The following NEK5 variants were observed in gnomAD, a reference collection of about 807,000 sequenced individuals.
NEK5 encodes serine/threonine-protein kinase Nek5.
NEK5 carries 88 observed loss-of-function variants against 109.2 expected under a neutral mutation model. The observed-to-expected ratio is 0.81, with a 90% CI of 0.68 to 0.96. The LOEUF (loss-of-function observed/expected upper bound fraction) is 0.96. Ranked by LOEUF, NEK5 falls within the 40% of genes least tolerant of loss-of-function variation. The pLI, the probability that NEK5 is intolerant of heterozygous loss-of-function variation, is 0.00. For missense variants in NEK5, 834 were observed against 920.7 expected (o/e 0.91, Z 1.22); for synonymous variants, 283 against 299.9 (o/e 0.94, Z 0.58).
Position 52,037,228 on chromosome 13 carries a change from TAAG to T in NEK5, c.2229-13_2229-11del. The T allele has an allele frequency of 2.0e-6, 2 of 977,400 alleles. No individual in the cohort carries two copies. Among genetic ancestry groups the T allele is most frequent in the Non-Finnish European group, 2.4e-6 (2 of 822,736 alleles). The allele number at this position is 977,400 out of a possible 1,614,324, so 60.5% of individuals were successfully genotyped here. On this transcript the variant is annotated splice_polypyrimidine_tract_variant and intron_variant, in intron 23 of 23. Coordinates refer to ENST00000684899, the MANE Select transcript of NEK5 (RefSeq NM_001365552.1). ...AGATTCTTCAAAATTTCTGAAATAA[TAAG>T]CAGTAAAAATCAGCATTATGATATG...
At chr13:52,089,194 G>GA in intron 14 of NEK5, 53 bp downstream of exon 14, 1 of 1,156,872 alleles carries the variant, frequency 8.6e-7, no homozygotes, top group Non-Finnish European at 1.3e-6. Flanking sequence ...TCTGTGAACA[G>GA]AAAAACTATT....
In NEK5 at chr13:52,036,950, A is replaced by G. The variant is rs929131916; in HGVS notation, c.2497T>C (p.Ter833ArgextTer33). 7.1e-6 allele frequency: 7 copies of G among 984,780 alleles called. No homozygotes were observed. The African/African-American group carries it at 1.2e-4, about 17-fold the overall frequency. 61.0% of individuals were successfully genotyped at this position (984,780 alleles called of 1,614,324 possible). Reference protein sequence around the residue: ...TSTTSQNIQV* With the variant: ...TSTTSQNIQVR ...TTACTTAAGAAAAAGTACAATAATC[A>G]CACTTGTATATTTTGACTGGTTGTT... The change falls in exon 24 of 24, where the codon TGA (stop) becomes CGA (arginine). Residue 833 changes from the stop codon to arginine (R), a stop_lost. Coordinates refer to ENST00000684899, the MANE Select transcript of NEK5 (RefSeq NM_001365552.1).
At chr13:52,042,004 G>A (rs1284486149) in intron 23 of NEK5, among the ~76,000 whole-genome samples, 2 of 151,590 alleles carry the variant, frequency 1.3e-5, no homozygotes, top group African/African-American at 4.8e-5. Flanking sequence ...AAGAATGTAA[G>A]GAATTAAAAA....
intron 17 of NEK5, among the ~76,000 whole-genome samples, chr13:52,080,601 T>C (rs1251796586): frequency 6.6e-6 from 1 of 152,208 alleles, no homozygotes; most frequent in Non-Finnish European, 1.5e-5. Flanking sequence ...CCCCCAACCC[T>C]GTGCCCTCTG....
rs1295878624 is a variant in NEK5 at position 52,102,228 on chromosome 13, G to A, written c.674C>T (p.Ser225Phe). The A allele has an allele frequency of 1.2e-6, 2 of 1,613,884 alleles. No homozygotes were observed. The highest frequency in any genetic ancestry group is 1.7e-6 in the Non-Finnish European group (2 of 1,179,860). Reference protein sequence around the residue: ...KICQAHFAPISPGFSRELHSL... With the variant: ...KICQAHFAPIFPGFSRELHSL... Reference sequence around the variant, plus strand: ...ATGGAGCTCACGAGAAAACCCCGGAGATATTGGGGCAAAATGTGCTTGACA... The same window carrying A: ...ATGGAGCTCACGAGAAAACCCCGGAAATATTGGGGCAAAATGTGCTTGACA... The change falls in exon 10 of 24, where the codon TCT (serine) becomes TTT (phenylalanine). Residue 225 changes from serine to phenylalanine, a missense_variant. This residue lies in a region of NEK5 where 777 missense variants were observed against 824.7 expected (regional missense o/e 0.94). Transcript: ENST00000684899.
intron 1 of NEK5, 180 bp downstream of exon 1, chr13:52,128,849 G>C (rs1218427257): frequency 6.6e-6 from 1 of 152,334 alleles, no homozygotes; most frequent in Non-Finnish European, 1.5e-5. Context: ...CGTGTGGAGC[G>C]TTGCCATAGA....
At chr13:52,079,278 G>A (rs1235780163) in intron 17 of NEK5, among the ~76,000 whole-genome samples, 5 of 72,688 alleles carry the variant, frequency 6.9e-5, no homozygotes, top group East Asian at 5.0e-4. Flanking sequence ...GCTTTAAAAA[G>A]TAATCTGATC....
At chr13:52,091,131 C>T (rs183513644) in intron 13 of NEK5, among the ~76,000 whole-genome samples, 3 of 152,198 alleles carry the variant, frequency 2.0e-5, no homozygotes, top group Admixed American at 1.3e-4. Flanking sequence ...GGTTACCAGG[C>T]ATCAAAGGGG....
At chr13:52,044,743 A>G (rs945633813) in intron 23 of NEK5, among the ~76,000 whole-genome samples, 2 of 152,168 alleles carry the variant, frequency 1.3e-5, no homozygotes, top group Non-Finnish European at 2.9e-5. Flanking sequence ...GTGCCTCCCC[A>G]TAAGAGTTGC....
chr13:52,108,082 G>T (rs1485846561), intron 8 of NEK5, among the ~76,000 whole-genome samples: 1 of 151,960 alleles, frequency 6.6e-6, no homozygotes, highest in African/African-American at 2.4e-5. Flanking sequence ...CCCTGTACTG[G>T]TTACAGAAAT....
intron 22 of NEK5, among the ~76,000 whole-genome samples, chr13:52,052,133 C>A (rs1264377222): frequency 3.3e-5 from 4 of 122,298 alleles, no homozygotes; most frequent in African/African-American, 1.2e-4. Flanking sequence ...CCCCTCTTTT[C>A]TGGACCAAAC....
chr13:52,085,973 A>C (rs1955133047), intron 16 of NEK5, among the ~76,000 whole-genome samples: 1 of 152,116 alleles, frequency 6.6e-6, no homozygotes, highest in African/African-American at 2.4e-5. Context: ...CTCTGGTCTA[A>C]AGTTGCCACT....
In NEK5 at chr13:52,126,333, T is replaced by C. The variant is rs758645233; in HGVS notation, c.117+1033A>G. On this transcript the variant is annotated intron_variant, in intron 3 of 23. Coordinates refer to ENST00000684899, the MANE Select transcript of NEK5 (RefSeq NM_001365552.1). ...AAATCATTAGACCAACAATTACATA[T>C]AGTTTTTCTCTATTCATTCAGTGCA... 4.6e-5 allele frequency among the ~76,000 whole-genome samples: 7 copies of C among 152,350 alleles called. No individual in the cohort carries two copies. The East Asian group carries it at 7.7e-4, about 17-fold the overall frequency.
Position 52,037,222 on chromosome 13 carries a change from AAAT to A in NEK5, c.2229-7_2229-5del. On this transcript the variant is annotated splice_region_variant and splice_polypyrimidine_tract_variant and intron_variant, in intron 23 of 23. Coordinates refer to ENST00000684899, the MANE Select transcript of NEK5 (RefSeq NM_001365552.1). ...ATCTTCAGATTCTTCAAAATTTCTG[AAAT>A]AATAAGCAGTAAAAATCAGCATTAT... 1 of 980,414 alleles carries A rather than the reference AAAT, an allele frequency of 1.0e-6. No homozygotes were observed. The highest frequency in any genetic ancestry group is 1.2e-6 in the Non-Finnish European group (1 of 825,394). The allele number at this position is 980,414 out of a possible 1,614,324, so 60.7% of individuals were successfully genotyped here.
chr13:52,110,917 C>T (rs1451723422), intron 5 of NEK5, among the ~76,000 whole-genome samples: 1 of 152,062 alleles, frequency 6.6e-6, no homozygotes, highest in Non-Finnish European at 1.5e-5. Flanking sequence ...GTGCTAACTG[C>T]ATCGTGAATA....
At chr13:52,090,658 C>A (rs560702184) in intron 13 of NEK5, among the ~76,000 whole-genome samples, 27 of 152,288 alleles carry the variant, frequency 1.8e-4, no homozygotes, top group African/African-American at 6.5e-4. Context: ...TTCCAACACC[C>A]AGGGGCTGTC....
chr13:52,082,398 G>A (rs1955033299), intron 17 of NEK5: 4 of 1,139,468 alleles, frequency 3.5e-6, no homozygotes, highest in Non-Finnish European at 4.4e-6. Context: ...GCACACTTGG[G>A]CTTCTTATTC....
At chr13:52,050,518 T>C (rs942611562) in intron 22 of NEK5, among the ~76,000 whole-genome samples, 1 of 151,792 alleles carries the variant, frequency 6.6e-6, no homozygotes, top group African/African-American at 2.4e-5. Flanking sequence ...CCACTCTTAT[T>C]CTCCACTGTT....
chr13:52,089,728 C>T (rs1566781954), intron 13 of NEK5, among the ~76,000 whole-genome samples: 1 of 152,124 alleles, frequency 6.6e-6, no homozygotes, highest in Non-Finnish European at 1.5e-5. Flanking sequence ...TGGCTCACAC[C>T]TGTAACCCCA....
Sources: allele counts gnomAD v4.1 joint callset (sites outside exome capture counted in the v4.1 genomes callset), GRCh38; gene constraint gnomAD v4.1.1; regional missense constraint gnomAD v4.1.1; transcripts MANE v1.5; gene names NCBI Gene and HGNC (gene_info 2026-07-23, HGNC 2026-07-21).